The following NMRK2 variants were observed in gnomAD, a reference collection of about 807,000 sequenced individuals.
NMRK2 encodes NRK 2.
A neutral mutation model predicts 24.7 loss-of-function variants in NMRK2; 34 were observed. The observed-to-expected ratio is 1.37, with a 90% CI of 1.05 to 1.83. NMRK2 has a LOEUF of 1.83. Ranked by LOEUF, NMRK2 falls within the 40% of genes most tolerant of loss-of-function variation. The pLI is 0.00. For synonymous variants in NMRK2, 145 were observed against 125.6 expected (o/e 1.15, Z -1.03); for missense variants, 341 against 315.0 (o/e 1.08, Z -0.62).
Position 3,937,281 on chromosome 19 carries a change from G to C in NMRK2, c.159G>C (p.Gln53His). 6.2e-7 allele frequency: 1 copy of C among 1,613,208 alleles called. No individual in the cohort carries two copies. The highest frequency in any genetic ancestry group is 8.5e-7 in the Non-Finnish European group (1 of 1,179,484). Residue 53 changes from glutamine (Q) to histidine (H), a missense_variant, in exon 4 of 8, where the codon CAG becomes CAC. Coordinates refer to ENST00000168977, the MANE Select transcript of NMRK2 (RefSeq NM_170678.3). ...QIAVGEDGFK[Q>H]WDVLESLDME... ...CAGTTGGGGAAGACGGCTTCAAACA[G>C]TGGGACGGTAAGGACAAGCATCACC...
At position 3,938,698 on chromosome 19, in the gene NMRK2, CA is replaced by C; in HGVS notation, c.263del (p.Gln88ArgfsTer33). The C allele has an allele frequency of 6.2e-7, 1 of 1,612,650 alleles. No individual in the cohort carries two copies. The highest frequency in any genetic ancestry group is 8.5e-7 in the Non-Finnish European group (1 of 1,179,348). The part of the protein sequence containing the change: ...KFARAHGVSV[Q>X]PEASDTHILL... ...TGCCCGTGCCCACGGGGTCAGCGTC[CA>C]GCCAGAGGCCTCGGACACCCACATC... On this transcript the variant is annotated frameshift_variant, in exon 5 of 8. Coordinates refer to ENST00000168977, the MANE Select transcript of NMRK2 (RefSeq NM_170678.3). LOFTEE classifies it high-confidence loss of function.
At chr19:3,938,159 C>A (rs190263971) in intron 4 of NMRK2, among the ~76,000 whole-genome samples, 1 of 122,322 alleles carries the variant, frequency 8.2e-6, no homozygotes, top group African/African-American at 3.2e-5. Flanking sequence ...CCCCGGGGTC[C>A]ACCCTCCTGC....
chr19:3,939,860 AGCTCACAGGT>A, intron 5 of NMRK2, 30 bp from the exon 6 acceptor site: 1 of 1,573,510 alleles, frequency 6.4e-7, no homozygotes. Flanking sequence ...GTTGAAGGAA[AGCTCACAGGT>A]GCTGACCGTG....
intron 6 of NMRK2, among the ~76,000 whole-genome samples, chr19:3,940,208 G>T (rs144124508): frequency 1.3e-5 from 2 of 149,536 alleles, no homozygotes; most frequent in Non-Finnish European, 3.0e-5. Context: ...TTAGTCGGGC[G>T]TAGTGGCGTG....
intron 2 of NMRK2, among the ~76,000 whole-genome samples, chr19:3,935,676 C>T (rs1260703822): frequency 6.6e-6 from 1 of 151,924 alleles, no homozygotes; most frequent in Non-Finnish European, 1.5e-5. Flanking sequence ...AACTCCCAGG[C>T]TCAGGCGATC....
chr19:3,936,023 C>G (rs531055844), intron 2 of NMRK2, among the ~76,000 whole-genome samples: 1 of 152,002 alleles, frequency 6.6e-6, no homozygotes, highest in African/African-American at 2.4e-5. Context: ...CCAGCCTGGC[C>G]GACATGGCAA....
Position 3,933,631 on chromosome 19 carries a change from G to T in NMRK2, c.-41G>T. 1 of 1,518,806 alleles carries T rather than the reference G, an allele frequency of 6.6e-7. No individual in the cohort carries two copies. The allele number at this position is 1,518,806 out of a possible 1,614,324, so 94.1% of individuals were successfully genotyped here. On this transcript the variant is annotated 5_prime_UTR_variant, in exon 2 of 8. Coordinates refer to ENST00000168977, the MANE Select transcript of NMRK2 (RefSeq NM_170678.3). ...GCACTGCGTGGTCGCACCCTACCCG[G>T]GCTGCCTTGGAAGTCGTCCCCGCCG...
In NMRK2 at chr19:3,942,316, C is replaced by T. The variant is rs2039350907; in HGVS notation, c.*43C>T. 1.3e-6 allele frequency: 2 copies of T among 1,530,774 alleles called. No individual in the cohort carries two copies. The highest frequency in any genetic ancestry group is 2.7e-5 in the African/African-American group (2 of 73,208). 94.8% of individuals were successfully genotyped at this position (1,530,774 alleles called of 1,614,324 possible). A position where few individuals can be genotyped will look rare whatever the true frequency, so the allele number is the denominator to read the frequency against. On this transcript the variant is annotated 3_prime_UTR_variant, in exon 8 of 8. Transcript: ENST00000168977. ...TGTCTGTACGTAGGAGAGTGGAGGC[C>T]CCACTCCCAGTTGGGCGTCCCGGAG...
intron 2 of NMRK2, among the ~76,000 whole-genome samples, chr19:3,936,207 T>A: frequency 2.1e-5 from 3 of 143,396 alleles, no homozygotes; most frequent in Non-Finnish European, 3.0e-5. Context: ...TGAAACTCCG[T>A]CTCGGAAAAA....
At chr19:3,939,249 C>T (rs545615343) in intron 5 of NMRK2, among the ~76,000 whole-genome samples, 89 of 151,442 alleles carry the variant, frequency 5.9e-4, no homozygotes, top group Non-Finnish European at 9.7e-4. Context: ...TGGAGCCAGG[C>T]GTGGTGGCTC....
At chr19:3,935,428 G>C (rs1200030357) in intron 2 of NMRK2, among the ~76,000 whole-genome samples, 3 of 151,510 alleles carry the variant, frequency 2.0e-5, no homozygotes, top group Non-Finnish European at 4.4e-5. Context: ...GCTAATTTTT[G>C]TATTTTTACT....
At chr19:3,938,971 C>T (rs1437240143) in intron 5 of NMRK2, among the ~76,000 whole-genome samples, 1 of 151,488 alleles carries the variant, frequency 6.6e-6, no homozygotes, top group African/African-American at 2.4e-5. Context: ...CCTCAGCCTC[C>T]CAAGTAGCTG....
At chr19:3,937,219 G>A in intron 3 of NMRK2, 21 bp from the exon 4 acceptor site, 1 of 1,612,622 alleles carries the variant, frequency 6.2e-7, no homozygotes, top group Non-Finnish European at 8.5e-7. Context: ...TGAGCCCGAG[G>A]TTCAGGCTCC....
chr19:3,942,313 G>A lies in NMRK2; in HGVS notation c.*40G>A, dbSNP rs1235831602. 1 of 1,539,488 alleles carries A rather than the reference G, an allele frequency of 6.5e-7. No homozygotes were observed. On this transcript the variant is annotated 3_prime_UTR_variant, in exon 8 of 8. Transcript: ENST00000168977. ...GGGTGTCTGTACGTAGGAGAGTGGA[G>A]GCCCCACTCCCAGTTGGGCGTCCCG...
In NMRK2 at chr19:3,942,345, A is replaced by C; in HGVS notation, c.*72A>C. On this transcript the variant is annotated 3_prime_UTR_variant, in exon 8 of 8. Coordinates refer to ENST00000168977, the MANE Select transcript of NMRK2 (RefSeq NM_170678.3). ...CTCCCAGTTGGGCGTCCCGGAGCTC[A>C]GGGACTGAGCCCCAAGACGCCTCTG... 4.9e-6 allele frequency: 7 copies of C among 1,427,732 alleles called. No individual in the cohort carries two copies. Among genetic ancestry groups the C allele is most frequent in the Non-Finnish European group, 4.7e-6 (5 of 1,055,434 alleles). The allele number at this position is 1,427,732 out of a possible 1,614,324, so 88.4% of individuals were successfully genotyped here. A position where few individuals can be genotyped will look rare whatever the true frequency, so the allele number is the denominator to read the frequency against.
intron 7 of NMRK2, 82 bp downstream of exon 7, chr19:3,941,259 T>C: frequency 1.3e-6 from 1 of 796,052 alleles, no homozygotes; most frequent in Non-Finnish European, 2.0e-6. Context: ...CTTTTTTTTT[T>C]TTTTTTTCAA....
intron 3 of NMRK2, among the ~76,000 whole-genome samples, 190 bp from the exon 4 acceptor site, chr19:3,937,050 G>A (rs1037623091): frequency 1.3e-5 from 2 of 152,040 alleles, no homozygotes; most frequent in Admixed American, 1.3e-4. Context: ...AGCTCGCTGT[G>A]TGGGTGTGGG....
At chr19:3,934,543 TG>T (rs1253255072) in intron 2 of NMRK2, among the ~76,000 whole-genome samples, 1 of 128,100 alleles carries the variant, frequency 7.8e-6, no homozygotes, top group Admixed American at 9.7e-5. Flanking sequence ...TCATATTTTT[TG>T]TTTTTTGGGG....
intron 2 of NMRK2, among the ~76,000 whole-genome samples, 179 bp downstream of exon 2, chr19:3,933,876 G>A (rs953897571): frequency 6.6e-6 from 1 of 152,014 alleles, no homozygotes; most frequent in Non-Finnish European, 1.5e-5. Flanking sequence ...CCAGTGGGAA[G>A]GGGGGCTGGA....
Sources: gnomAD v4.1 joint callset for allele counts (sites outside exome capture counted in the v4.1 genomes callset) on GRCh38, gnomAD v4.1.1 for gene constraint, MANE v1.5 for transcripts, NCBI Gene and HGNC (gene_info 2026-07-23, HGNC 2026-07-21) for gene names.